The following NPRL3 variants were observed in gnomAD, a reference collection of about 807,000 sequenced individuals.
NPRL3 encodes NPR3 like, GATOR1 complex subunit.
NPRL3 carries 23 observed loss-of-function variants against 57.2 expected under a neutral mutation model. That is an observed-to-expected ratio of 0.40 (90% CI 0.29 to 0.57). The LOEUF is 0.57. Among genes scored for constraint, NPRL3 ranks in the 20% least tolerant of loss-of-function variants. The pLI is 0.42. For synonymous variants in NPRL3, 333 were observed against 321.1 expected (o/e 1.04, Z -0.39); for missense variants, 691 against 767.1 (o/e 0.90, Z 1.17).
chr16:100,771 C>A (rs1380383697), intron 7 of NPRL3, among the ~76,000 whole-genome samples: 2 of 24,322 alleles, frequency 8.2e-5, no homozygotes, highest in African/African-American at 3.4e-4. Flanking sequence ...AGTTCGAGAC[C>A]AGCCTGGCTA....
rs376254663 is a variant in NPRL3 at position 117,282 on chromosome 16, C to G, written c.393+19G>C. 59 of 1,567,858 alleles carry G rather than the reference C, an allele frequency of 3.8e-5. No individual in the cohort carries two copies. The highest frequency in any genetic ancestry group is 4.6e-5 in the Non-Finnish European group (53 of 1,141,002). On this transcript the variant is annotated intron_variant, in intron 5 of 13. Coordinates refer to ENST00000611875, the MANE Select transcript of NPRL3 (RefSeq NM_001077350.3). ...ACTGGCCCCACTCCCTGATCTTAAC[C>G]ATTTATATAAACACTCACCCTCAGT...
chr16:114,926 GCTCT>G (rs1567140871), intron 5 of NPRL3, among the ~76,000 whole-genome samples: 2 of 151,342 alleles, frequency 1.3e-5, no homozygotes, highest in East Asian at 1.9e-4. Context: ...TTGTCAGTCT[GCTCT>G]CTCTATTTCA....
In NPRL3 at chr16:98,127, G is replaced by A; in HGVS notation, c.924+18C>T. The A allele has an allele frequency of 6.2e-7, 1 of 1,609,396 alleles. No homozygotes were observed. The highest frequency in any genetic ancestry group is 8.5e-7 in the Non-Finnish European group (1 of 1,177,236). On this transcript the variant is annotated intron_variant, in intron 9 of 13. Coordinates refer to ENST00000611875, the MANE Select transcript of NPRL3 (RefSeq NM_001077350.3). Reference sequence around the variant, plus strand: ...CAGCACCGCCACATGCCACCCATCTGGGCCTCCAGAGCTATACCTGCAGCA... The same window carrying A: ...CAGCACCGCCACATGCCACCCATCTAGGCCTCCAGAGCTATACCTGCAGCA...
At chr16:125,878 A>C (rs541166056) in intron 3 of NPRL3, 1 of 152,380 alleles carries the variant, frequency 6.6e-6, no homozygotes, top group African/African-American at 2.4e-5. Context: ...AGGCAAACCT[A>C]ACAAGAGAGG....
chr16:100,543 A>T (rs752537537), intron 7 of NPRL3, 34 bp from the exon 8 acceptor site: 1 of 1,493,988 alleles, frequency 6.7e-7, no homozygotes. Context: ...CCGTTCACAT[A>T]AACTTTCTAA....
At chr16:103,295 G>GTTTTTT (rs1331235205) in intron 7 of NPRL3, among the ~76,000 whole-genome samples, 19 of 15,900 alleles carry the variant, frequency 1.2e-3, no homozygotes, top group South Asian at 4.2e-3. Flanking sequence ...CGCCTGGGGT[G>GTTTTTT]ATTTTTTTTT....
At chr16:110,278 G>T (rs536223509) in intron 7 of NPRL3, among the ~76,000 whole-genome samples, 80 of 150,144 alleles carry the variant, frequency 5.3e-4, no homozygotes, top group African/African-American at 1.3e-3. Context: ...TCAAAAAAAA[G>T]AAATAAATAG....
At position 88,693 on chromosome 16, in the gene NPRL3, C is replaced by T; in HGVS notation, c.1544+5G>A. 3 of 1,605,996 alleles carry T rather than the reference C, an allele frequency of 1.9e-6. No homozygotes were observed. The highest frequency in any genetic ancestry group is 1.7e-6 in the Non-Finnish European group (2 of 1,174,064). ...CCCAGTCCCAACGGGTCAACCTACA[C>T]CCACCTGGCAAACATGCGGAGGTCC... On this transcript the variant is annotated splice_donor_5th_base_variant and intron_variant, in intron 13 of 13. Transcript: ENST00000611875.
At chr16:102,774 GC>G (rs1488012879) in intron 7 of NPRL3, among the ~76,000 whole-genome samples, 2 of 152,210 alleles carry the variant, frequency 1.3e-5, no homozygotes, top group Non-Finnish European at 2.9e-5. Flanking sequence ...AATACGGGGT[GC>G]TCAGAGAACA....
chr16:137,201 C>T (rs1212659921), intron 2 of NPRL3, among the ~76,000 whole-genome samples: 1 of 152,180 alleles, frequency 6.6e-6, no homozygotes, highest in Non-Finnish European at 1.5e-5. Flanking sequence ...GCCTGGGCGA[C>T]AGAGTGAGAC....
chr16:108,674 T>TTTTTTA (rs140830145), intron 7 of NPRL3, among the ~76,000 whole-genome samples: 2 of 149,998 alleles, frequency 1.3e-5, no homozygotes, highest in African/African-American at 2.5e-5. Flanking sequence ...TTTTTTAATT[T>TTTTTTA]TTATTATTAT....
chr16:138,280 C>A lies in NPRL3; in HGVS notation c.-13G>T. The A allele has an allele frequency of 6.3e-7, 1 of 1,582,134 alleles. No individual in the cohort carries two copies. Among genetic ancestry groups the A allele is most frequent in the Non-Finnish European group, 8.6e-7 (1 of 1,165,488 alleles). On this transcript the variant is annotated 5_prime_UTR_variant, in exon 2 of 14. Transcript: ENST00000611875. ...TGTTGTCCCGCATCCCGCCGTGGGG[C>A]CGGGGCCGGGGGCGGAGGGGGCCAG...
chr16:134,981 G>A (rs1334426076), intron 2 of NPRL3, among the ~76,000 whole-genome samples: 4 of 152,138 alleles, frequency 2.6e-5, no homozygotes, highest in African/African-American at 7.2e-5. Context: ...GATTACAGGC[G>A]TGAGCCACCG....
intron 3 of NPRL3, among the ~76,000 whole-genome samples, chr16:122,824 G>A (rs1336157655): frequency 6.6e-6 from 1 of 152,086 alleles, no homozygotes; most frequent in East Asian, 1.9e-4. Context: ...CACCTAAAGG[G>A]ATGGAAAGAC....
chr16:104,057 C>A (rs993383374), intron 7 of NPRL3, among the ~76,000 whole-genome samples: 2 of 150,120 alleles, frequency 1.3e-5, no homozygotes, highest in African/African-American at 4.9e-5. Context: ...GAGGCGGAGG[C>A]GGAGGTTGCA....
At chr16:98,887 G>A (rs1030567702) in intron 8 of NPRL3, among the ~76,000 whole-genome samples, 2 of 152,136 alleles carry the variant, frequency 1.3e-5, no homozygotes, top group African/African-American at 4.8e-5. Context: ...GCAGTGAGCC[G>A]AGATTGCGCC....
intron 7 of NPRL3, among the ~76,000 whole-genome samples, chr16:106,555 G>C (rs900431300): frequency 6.8e-6 from 1 of 146,362 alleles, no homozygotes; most frequent in African/African-American, 2.5e-5. Flanking sequence ...GATCACCTGA[G>C]CCTGGGAGAC....
At chr16:112,485 G>T in intron 6 of NPRL3, 137 bp downstream of exon 6, 2 of 811,266 alleles carry the variant, frequency 2.5e-6, no homozygotes, top group Non-Finnish European at 3.5e-6. Context: ...TGACTGCTCT[G>T]CTGGTGTTGG....
At chr16:87,656 G>A (rs878887477) in intron 13 of NPRL3, among the ~76,000 whole-genome samples, 4 of 150,974 alleles carry the variant, frequency 2.6e-5, no homozygotes, top group African/African-American at 4.9e-5. Context: ...GCCAAGCTCC[G>A]CCTCCCGCCT....
Sources: gnomAD v4.1 joint callset for allele counts (sites outside exome capture counted in the v4.1 genomes callset) on GRCh38, gnomAD v4.1.1 for gene constraint, MANE v1.5 for transcripts, NCBI Gene and HGNC (gene_info 2026-07-23, HGNC 2026-07-21) for gene names.